Variants in MTDH observed in about 807,000 individuals in gnomAD.
The protein encoded by MTDH is protein LYRIC.
A neutral mutation model predicts 72.7 loss-of-function variants in MTDH; 34 were observed. The observed-to-expected ratio is 0.47, with a 90% CI of 0.36 to 0.62. The LOEUF (loss-of-function observed/expected upper bound fraction) is 0.62. Among genes scored for constraint, MTDH ranks in the 20% least tolerant of loss-of-function variants. The pLI is 0.00. For missense variants in MTDH, 677 were observed against 699.4 expected (o/e 0.97, Z 0.36); for synonymous variants, 266 against 268.9 (o/e 0.99, Z 0.10).
chr8:97,683,778 A>G (rs1466308016), intron 2 of MTDH, among the ~76,000 whole-genome samples: 2 of 152,166 alleles, frequency 1.3e-5, no homozygotes, highest in Non-Finnish European at 2.9e-5. Flanking sequence ...ACTGTCCAGT[A>G]TAGTGGCCAC....
intron 2 of MTDH, among the ~76,000 whole-genome samples, chr8:97,666,844 C>T (rs935429528): frequency 6.6e-6 from 1 of 151,486 alleles, no homozygotes; most frequent in African/African-American, 2.4e-5. Flanking sequence ...TTACAGGTAC[C>T]TGCCACTACC....
At chr8:97,706,431 A>G in intron 7 of MTDH, 195 bp from the exon 8 acceptor site, 3 of 356,616 alleles carry the variant, frequency 8.4e-6, no homozygotes, top group South Asian at 9.1e-5. Flanking sequence ...CCATTTAACC[A>G]TATGATATGC....
Position 97,644,790 on chromosome 8 carries a change from T to TGCCGGCCGC in MTDH, c.286_294dup (p.Pro96_Ala98dup). 1.5e-5 allele frequency: 24 copies of TGCCGGCCGC among 1,549,136 alleles called. No individual in the cohort carries two copies. Among genetic ancestry groups the TGCCGGCCGC allele is most frequent in the Non-Finnish European group, 2.1e-5 (24 of 1,157,990 alleles). On this transcript the variant is annotated inframe_insertion, in exon 1 of 12. Coordinates refer to ENST00000336273, the MANE Select transcript of MTDH (RefSeq NM_178812.4). ...CGCAAGCGGGAGGAGGCGGCGGCCGTGCCGGCCGCGGCCCCCGACGACCTG... is the reference window on the plus strand; with the variant it reads ...CGCAAGCGGGAGGAGGCGGCGGCCGTGCCGGCCGCGCCGGCCGCGGCCCCCGACGACCTG...
chr8:97,702,169 CAT>C (rs1379485575), intron 7 of MTDH, among the ~76,000 whole-genome samples: 1 of 152,166 alleles, frequency 6.6e-6, no homozygotes, highest in Non-Finnish European at 1.5e-5. Flanking sequence ...AGTTTGAAGA[CAT>C]ACATTAATCT....
At chr8:97,677,712 C>T (rs1812913731) in intron 2 of MTDH, among the ~76,000 whole-genome samples, 1 of 152,012 alleles carries the variant, frequency 6.6e-6, no homozygotes, top group Admixed American at 6.6e-5. Context: ...TATACTGTGC[C>T]TTGAAATTTT....
At chr8:97,702,588 A>G (rs1316715870) in intron 7 of MTDH, among the ~76,000 whole-genome samples, 1 of 152,260 alleles carries the variant, frequency 6.6e-6, no homozygotes, top group Non-Finnish European at 1.5e-5. Context: ...TGTTGTTAAC[A>G]CTGGAGAATG....
At chr8:97,710,465 G>A (rs570676601) in intron 8 of MTDH, among the ~76,000 whole-genome samples, 8 of 152,022 alleles carry the variant, frequency 5.3e-5, no homozygotes, top group Non-Finnish European at 8.8e-5. Context: ...CGAGGTGGGC[G>A]GATCACCCGA....
chr8:97,707,375 C>T (rs1814397806), intron 8 of MTDH, among the ~76,000 whole-genome samples: 1 of 151,382 alleles, frequency 6.6e-6, no homozygotes, highest in Non-Finnish European at 1.5e-5. Context: ...GTCTCCAACT[C>T]CAGACCTCAG....
intron 7 of MTDH, among the ~76,000 whole-genome samples, chr8:97,705,962 T>C (rs977052486): frequency 2.6e-5 from 4 of 152,226 alleles, no homozygotes; most frequent in African/African-American, 9.6e-5. Context: ...TCTGGAAGTG[T>C]AGAATAAAAT....
chr8:97,704,606 C>A (rs1586267798), intron 7 of MTDH, among the ~76,000 whole-genome samples: 1 of 151,914 alleles, frequency 6.6e-6, no homozygotes, highest in East Asian at 1.9e-4. Flanking sequence ...AAGACCCTGT[C>A]TCTTAAACTA....
intron 2 of MTDH, among the ~76,000 whole-genome samples, chr8:97,665,924 C>T (rs1050070818): frequency 2.0e-5 from 3 of 151,994 alleles, no homozygotes; most frequent in Non-Finnish European, 2.9e-5. Flanking sequence ...GTCAGGAGAT[C>T]GAGGCCATCC....
At chr8:97,723,080 TC>T in intron 11 of MTDH, 45 bp downstream of exon 11, 1 of 1,584,440 alleles carries the variant, frequency 6.3e-7, no homozygotes, top group Non-Finnish European at 8.6e-7. Context: ...TTTACATTTT[TC>T]ATGTGTTAAG....
chr8:97,668,594 AC>A (rs1465178520), intron 2 of MTDH, among the ~76,000 whole-genome samples: 2 of 151,816 alleles, frequency 1.3e-5, no homozygotes, highest in African/African-American at 2.4e-5. Flanking sequence ...AGCTCTTGTC[AC>A]CCAGGCTGGA....
rs965507514 is a variant in MTDH at position 97,691,261 on chromosome 8, GAAA to G, written c.1048+80_1048+82del. 55 of 1,086,906 alleles carry G rather than the reference GAAA, an allele frequency of 5.1e-5. No homozygotes were observed. The Middle Eastern group carries it at 1.3e-3, about 25-fold the overall frequency. 67.3% of individuals were successfully genotyped at this position (1,086,906 alleles called of 1,614,324 possible). Reference sequence around the variant, plus strand: ...GTACATTTTTAATTTTTCAGAAATAGAAAAAAAAACTATGAATAGAAAAATAAG... The same window carrying G: ...GTACATTTTTAATTTTTCAGAAATAGAAAAAACTATGAATAGAAAAATAAG... On this transcript the variant is annotated intron_variant, in intron 6 of 11. Coordinates refer to ENST00000336273, the MANE Select transcript of MTDH (RefSeq NM_178812.4).
At position 97,644,708 on chromosome 8, in the gene MTDH, G is replaced by A. The variant is rs1415667537; in HGVS notation, c.202G>A (p.Gly68Ser). Residue 68 changes from glycine (G) to serine (S), a missense_variant, in exon 1 of 12, where the codon GGC becomes AGC. By Grantham distance (56) the Gly-to-Ser change is moderately conservative. Transcript: ENST00000336273. ...CGGGCTGCTGCTGCTGTTTCTGCTG[G>A]GCTACGGCTGGGCCGCGGCTTGCGC... ...ALGLLLLFLL[G>S]YGWAAACAGA... 2 of 1,597,822 alleles carry A rather than the reference G, an allele frequency of 1.3e-6. No homozygotes were observed. Among genetic ancestry groups the A allele is most frequent in the East Asian group, 4.7e-5 (2 of 42,680 alleles).
rs537377594 is a variant in MTDH, at chr8:97,656,781, C to T, written c.382-4291C>T. 1.6e-4 allele frequency among the ~76,000 whole-genome samples: 24 copies of T among 151,658 alleles called. No homozygotes were observed. In the East Asian group the frequency reaches 3.9e-3, roughly 25 times the overall value. On this transcript the variant is annotated intron_variant, in intron 1 of 11. Coordinates refer to ENST00000336273, the MANE Select transcript of MTDH (RefSeq NM_178812.4). ...TTGGGAGGCTGAGGCAGGCGGGTCA[C>T]TTGAGGCCAGGAGTTCTAGAACAGC...
At chr8:97,656,997 T>G (rs1436542505) in intron 1 of MTDH, among the ~76,000 whole-genome samples, 1 of 150,800 alleles carries the variant, frequency 6.6e-6, no homozygotes, top group Non-Finnish European at 1.5e-5. Context: ...AAAAAAAAAG[T>G]TATGGAATTG....
chr8:97,681,906 G>A (rs1813092500), intron 2 of MTDH, among the ~76,000 whole-genome samples: 1 of 151,990 alleles, frequency 6.6e-6, no homozygotes, highest in Non-Finnish European at 1.5e-5. Flanking sequence ...CTAAAACAGT[G>A]TCTGACACAT....
chr8:97,651,476 A>C (rs1811769347), intron 1 of MTDH, among the ~76,000 whole-genome samples: 1 of 152,210 alleles, frequency 6.6e-6, no homozygotes, highest in South Asian at 2.1e-4. Flanking sequence ...AGTCCTCAGA[A>C]AGGATACTTA....
Sources: allele counts gnomAD v4.1 joint callset (sites outside exome capture counted in the v4.1 genomes callset), GRCh38; gene constraint gnomAD v4.1.1; transcripts MANE v1.5; gene names NCBI Gene and HGNC (gene_info 2026-07-23, HGNC 2026-07-21).